DARS1: variants seen among roughly 807,000 people sequenced by gnomAD.
The protein encoded by DARS1 is aspartyl-tRNA synthetase 1.
In DARS1, 51 loss-of-function variants were observed where a neutral mutation model predicts 68.8. The ratio of observed to expected loss-of-function variants is 0.74; its 90% confidence interval spans 0.59 to 0.94. DARS1 has a LOEUF of 0.94. DARS1 is among the 40% of genes least tolerant of loss of function. The probability of loss-of-function intolerance (pLI) is 0.00; values close to 1 mark genes in which losing one functional copy is unlikely to be tolerated. For missense variants in DARS1, 607 were observed against 597.3 expected, an observed-to-expected ratio of 1.02 and a Z score of -0.17; for synonymous variants, 203 against 190.4, an observed-to-expected ratio of 1.07 and a Z score of -0.55.
At chr2:135,983,692 G>T (rs1229975600) in intron 1 of DARS1, among the ~76,000 whole-genome samples, 1 of 152,044 alleles carries the variant, frequency 6.6e-6, no homozygotes. Context: ...ACTCCTAGAT[G>T]GATTTACCAT....
At chr2:135,941,897 AT>A (rs1249544077) in intron 5 of DARS1, among the ~76,000 whole-genome samples, 1 of 152,226 alleles carries the variant, frequency 6.6e-6, no homozygotes, top group Non-Finnish European at 1.5e-5. Flanking sequence ...CAAAAGACAC[AT>A]GAAAAAATGC....
In DARS1 at chr2:135,924,480, C is replaced by T. The variant is rs1482464124; in HGVS notation, c.583G>A (p.Val195Ile). Residue 195 changes from valine to isoleucine, a missense_variant, in exon 8 of 16, where the codon GTC (valine) becomes ATC (isoleucine). Physicochemically the swap from Val to Ile is conservative, Grantham distance 29. Transcript: ENST00000264161. ...CAGATGCCAGACTGGAGACGGAAGA[C>T]TGCCTGACTAGTTGATGTCTAGAAG... is the stretch of plus-strand genomic sequence containing the variant. ...IDLRTSTSQAVFRLQSGICHL... is the reference protein window; with the variant it reads ...IDLRTSTSQAIFRLQSGICHL... The T allele has an allele frequency of 9.3e-6, 15 of 1,606,000 alleles. No homozygotes were observed. The highest frequency in any genetic ancestry group is 1.2e-5 in the Non-Finnish European group (14 of 1,177,712).
intron 3 of DARS1, among the ~76,000 whole-genome samples, chr2:135,963,927 C>T (rs1010871751): frequency 1.5e-4 from 23 of 152,112 alleles, no homozygotes; most frequent in African/African-American, 5.3e-4. Context: ...GTGATCCACC[C>T]GCCTTGGCCT....
At chr2:135,956,094 C>T (rs1681968997) in intron 4 of DARS1, among the ~76,000 whole-genome samples, 1 of 152,134 alleles carries the variant, frequency 6.6e-6, no homozygotes, top group Admixed American at 6.5e-5. Context: ...TTTGAATCAG[C>T]ATCTTAGCTT....
At chr2:135,934,669 T>G (rs1681427075) in intron 5 of DARS1, among the ~76,000 whole-genome samples, 1 of 151,988 alleles carries the variant, frequency 6.6e-6, no homozygotes, top group South Asian at 2.1e-4. Flanking sequence ...AAAAAGCTAT[T>G]GTTAGGGAAA....
chr2:135,918,590 T>G (rs1681051730), intron 10 of DARS1, among the ~76,000 whole-genome samples: 1 of 152,220 alleles, frequency 6.6e-6, no homozygotes, highest in African/African-American at 2.4e-5. Context: ...AGTTCAGCAG[T>G]AATGGCGTTT....
At chr2:135,951,506 A>G (rs1681838095) in intron 4 of DARS1, among the ~76,000 whole-genome samples, 1 of 152,262 alleles carries the variant, frequency 6.6e-6, no homozygotes, top group African/African-American at 2.4e-5. Flanking sequence ...GTCACTTTCA[A>G]GAGTACAGTT....
chr2:135,916,397 T>C (rs752669894), intron 10 of DARS1, 25 bp from the exon 11 acceptor site: 2 of 1,382,620 alleles, frequency 1.4e-6, no homozygotes, highest in South Asian at 2.4e-5. Context: ...ATTTAGTTAA[T>C]AAAATGTATG....
At chr2:135,959,735 C>A (rs1682060884) in intron 4 of DARS1, among the ~76,000 whole-genome samples, 1 of 152,154 alleles carries the variant, frequency 6.6e-6, no homozygotes, top group South Asian at 2.1e-4. Context: ...AGTAGAATGC[C>A]TCTCACTGAA....
chr2:135,916,964 A>T (rs1181308806), intron 10 of DARS1, among the ~76,000 whole-genome samples: 3 of 152,094 alleles, frequency 2.0e-5, no homozygotes, highest in Admixed American at 2.0e-4. Context: ...TGGGAGGAGG[A>T]TCACTTGAGG....
At chr2:135,958,630 T>C (rs1682030214) in intron 4 of DARS1, among the ~76,000 whole-genome samples, 4 of 152,188 alleles carry the variant, frequency 2.6e-5, no homozygotes, top group Admixed American at 2.0e-4. Context: ...ATCATGTTCC[T>C]AAGAAAATTA....
rs1401199716 is a variant in DARS1 at position 135,961,499 on chromosome 2, C to G, written c.218-1G>C. The G allele has an allele frequency of 1.5e-6, 2 of 1,353,038 alleles. No homozygotes were observed. Among genetic ancestry groups the G allele is most frequent in the Non-Finnish European group, 2.1e-6 (2 of 941,300 alleles). 83.8% of individuals were successfully genotyped at this position (1,353,038 alleles called of 1,614,324 possible). A position where few individuals can be genotyped will look rare whatever the true frequency, so the allele number is the denominator to read the frequency against. On this transcript the variant is annotated splice_acceptor_variant, in intron 3 of 15. Transcript: ENST00000264161. LOFTEE classifies it high-confidence loss of function. ...CGTAGGACTAAGAAGCACTGTTTCC[C>G]TGAAAAAGACAGAAAGAACACAAAT...
intron 7 of DARS1, among the ~76,000 whole-genome samples, chr2:135,929,729 T>C (rs916362864): frequency 3.3e-5 from 5 of 152,226 alleles, no homozygotes; most frequent in African/African-American, 1.2e-4. Flanking sequence ...TTGGAAAATA[T>C]GTATTGAAAG....
At chr2:135,978,362 A>G (rs1398868533) in intron 3 of DARS1, among the ~76,000 whole-genome samples, 1 of 152,140 alleles carries the variant, frequency 6.6e-6, no homozygotes, top group Non-Finnish European at 1.5e-5. Flanking sequence ...AGAGACGGAG[A>G]TGTCTTAGAA....
chr2:135,984,825 T>A (rs1404211091), intron 1 of DARS1, among the ~76,000 whole-genome samples: 1 of 152,136 alleles, frequency 6.6e-6, no homozygotes, highest in Non-Finnish European at 1.5e-5. Context: ...ATTATCCACG[T>A]GATTTGGGGT....
chr2:135,943,913 G>C (rs1041004166), intron 4 of DARS1, among the ~76,000 whole-genome samples: 7 of 152,142 alleles, frequency 4.6e-5, no homozygotes, highest in African/African-American at 7.2e-5. Context: ...ACGGTCAACT[G>C]AAAAGATTTT....
At chr2:135,979,597 T>C (rs1052875176) in intron 2 of DARS1, among the ~76,000 whole-genome samples, 3 of 152,162 alleles carry the variant, frequency 2.0e-5, no homozygotes, top group Non-Finnish European at 4.4e-5. Flanking sequence ...TTCTCTACCA[T>C]CTTCACTGCC....
intron 13 of DARS1, 75 bp downstream of exon 13, chr2:135,912,411 T>A: frequency 1.5e-6 from 1 of 660,874 alleles, no homozygotes; most frequent in East Asian, 2.7e-5. Context: ...CCATTATTCC[T>A]ATTATACAAT....
chr2:135,957,567 G>A (rs1024381684), intron 4 of DARS1, among the ~76,000 whole-genome samples: 6 of 152,114 alleles, frequency 3.9e-5, no homozygotes, highest in Non-Finnish European at 8.8e-5. Flanking sequence ...TCGCCATGTT[G>A]GCCAGGCTGG....
Sources: gnomAD v4.1 joint callset for allele counts (sites outside exome capture counted in the v4.1 genomes callset) on GRCh38, gnomAD v4.1.1 for gene constraint, MANE v1.5 for transcripts, NCBI Gene and HGNC (gene_info 2026-07-23, HGNC 2026-07-21) for gene names.